The following FAT4 variants were observed in gnomAD, a reference collection of about 807,000 sequenced individuals.
FAT4 encodes FAT atypical cadherin 4.
In FAT4, 84 loss-of-function variants were observed where a neutral mutation model predicts 303.9. The ratio of observed to expected loss-of-function variants is 0.28; its 90% CI spans 0.23 to 0.33. The LOEUF (loss-of-function observed/expected upper bound fraction) is 0.33. Among genes scored for constraint, FAT4 ranks in the 10% least tolerant of loss-of-function variants. FAT4 has a pLI of 1.00. For missense variants in FAT4, 6,005 were observed against 6,146.8 expected, an observed-to-expected ratio of 0.98 and a Z score of 0.77; for synonymous variants, 2,307 against 2,298.8, an observed-to-expected ratio of 1.00 and a Z score of -0.10.
At chr4:125,371,692 G>A (rs1226013555) in intron 2 of FAT4, among the ~76,000 whole-genome samples, 1 of 150,958 alleles carries the variant, frequency 6.6e-6, no homozygotes, top group Admixed American at 6.6e-5. Context: ...GGGAGAGATT[G>A]AATATCCTCA....
In FAT4 at chr4:125,490,646, C is replaced by T. The variant is rs776510562; in HGVS notation, c.13830C>T (p.Ala4610=). 8.1e-6 allele frequency: 13 copies of T among 1,614,044 alleles called. No individual in the cohort carries two copies. The highest frequency in any genetic ancestry group is 1.3e-5 in the African/African-American group (1 of 74,916). Reference sequence around the variant, plus strand: ...ACAACTCAGAAACCATCCCCAGCGCCCCTTTGGCATCTCCAGAGCAGGAGA... The same window carrying T: ...ACAACTCAGAAACCATCCCCAGCGCTCCTTTGGCATCTCCAGAGCAGGAGA... ...IPHNSETIPS[A]PLASPEQEIE... Residue 4610 remains alanine (A), a synonymous_variant, in exon 18 of 18, where the codon GCC becomes GCT. Transcript: ENST00000394329.
chr4:125,326,595 A>G (rs958437489), intron 2 of FAT4, among the ~76,000 whole-genome samples: 7 of 152,180 alleles, frequency 4.6e-5, no homozygotes, highest in African/African-American at 1.7e-4. Context: ...AGACTTGAGT[A>G]ACTTCACAAT....
intron 12 of FAT4, among the ~76,000 whole-genome samples, chr4:125,473,544 A>G (rs1196822474): frequency 1.3e-5 from 2 of 152,064 alleles, no homozygotes; most frequent in Non-Finnish European, 2.9e-5. Flanking sequence ...TTAGAGATTG[A>G]TATATATAGA....
chr4:125,385,826 A>C (rs185733549), intron 2 of FAT4, among the ~76,000 whole-genome samples: 1 of 152,264 alleles, frequency 6.6e-6, no homozygotes. Flanking sequence ...TCAATTTTTA[A>C]AAAAAATTCA....
intron 8 of FAT4, among the ~76,000 whole-genome samples, chr4:125,440,610 TGAGAGAGAGAGAGA>T (rs1553925990): frequency 0.025 from 1,880 of 75,764 alleles, 16 homozygotes; most frequent in Middle Eastern, 0.033. Flanking sequence ...TGTGTGTGTG[TGAGAGAGAGAGAGA>T]GAGAGAGAGA....
chr4:125,460,961 A>G (rs1726462831), intron 10 of FAT4, among the ~76,000 whole-genome samples: 1 of 152,098 alleles, frequency 6.6e-6, no homozygotes, highest in Non-Finnish European at 1.5e-5. Context: ...TTTTCTTAAC[A>G]ATTTCTATTT....
In FAT4 at chr4:125,449,909, A is replaced by G. The variant is rs1725985565; in HGVS notation, c.8899A>G (p.Ser2967Gly). The change falls in exon 10 of 18, where the codon AGT becomes GGT. Residue 2967 changes from serine to glycine, a missense_variant. Transcript: ENST00000394329. ...AGATCGAGGTAAACCTTCCTTAATTAGTGAGACAACAGTTACCATCAATAT... is the reference window on the plus strand; with the variant it reads ...AGATCGAGGTAAACCTTCCTTAATTGGTGAGACAACAGTTACCATCAATAT... The part of the protein sequence containing the change: ...SSDRGKPSLI[S>G]ETTVTINIVD... 1.2e-6 allele frequency: 2 copies of G among 1,613,982 alleles called. No homozygotes were observed. The highest frequency in any genetic ancestry group is 1.7e-6 in the Non-Finnish European group (2 of 1,179,944).
At position 125,490,107 on chromosome 4, in the gene FAT4, G is replaced by T. The variant is rs1489565144; in HGVS notation, c.13291G>T (p.Asp4431Tyr). The T allele has an allele frequency of 6.2e-7, 1 of 1,614,024 alleles. No individual in the cohort carries two copies. ...WYAYRCVPPG[D>Y]CASHPCQNGG... ...TGCCTACAGGTGTGTCCCTCCTGGG[G>T]ACTGTGCCTCCCACCCGTGCCAGAA... Residue 4431 changes from aspartate (D) to tyrosine (Y), a missense_variant, in exon 18 of 18, where the codon GAC becomes TAC. Transcript: ENST00000394329.
At chr4:125,404,946 G>T (rs1301030812) in intron 3 of FAT4, among the ~76,000 whole-genome samples, 1 of 151,408 alleles carries the variant, frequency 6.6e-6, no homozygotes, top group African/African-American at 2.4e-5. Context: ...GTATATACAG[G>T]TTGAGTATTT....
intron 10 of FAT4, among the ~76,000 whole-genome samples, chr4:125,461,598 C>T (rs1158111658): frequency 6.6e-6 from 1 of 151,854 alleles, no homozygotes; most frequent in Admixed American, 6.6e-5. Flanking sequence ...ATACATGTTA[C>T]TTTTAACACA....
intron 10 of FAT4, among the ~76,000 whole-genome samples, chr4:125,459,817 G>A (rs552339118): frequency 7.2e-5 from 11 of 152,118 alleles, no homozygotes; most frequent in African/African-American, 2.4e-4. Context: ...TCAGATTATT[G>A]TACCAAGAGC....
At position 125,449,382 on chromosome 4, in the gene FAT4, A is replaced by T; in HGVS notation, c.8372A>T (p.Tyr2791Phe). ...AHVPENSPLG[Y>F]TVTRVTTSDE... ...GTTCCTGAAAATTCCCCCTTAGGAT[A>T]CACAGTTACCCGTGTCACAACTTCT... is the stretch of plus-strand genomic sequence containing the variant. Residue 2791 changes from tyrosine to phenylalanine, a missense_variant, in exon 10 of 18, where the codon TAC becomes TTC. Coordinates refer to ENST00000394329, the MANE Select transcript of FAT4 (RefSeq NM_001291303.3). 1 of 1,613,784 alleles carries T rather than the reference A, an allele frequency of 6.2e-7. No homozygotes were observed. The highest frequency in any genetic ancestry group is 8.5e-7 in the Non-Finnish European group (1 of 1,179,854).
chr4:125,452,318 C>A lies in FAT4; in HGVS notation c.11308C>A (p.Arg3770=), dbSNP rs761118468. 23 of 1,614,060 alleles carry A rather than the reference C, an allele frequency of 1.4e-5. No homozygotes were observed. Among genetic ancestry groups the A allele is most frequent in the Non-Finnish European group, 1.9e-5 (23 of 1,180,030 alleles). Reference sequence around the variant, plus strand: ...AACGTTTCTTTTGGCAGCTGTGAAGCGAAATCATAATCAGTATGTGAATCC... The same window carrying A: ...AACGTTTCTTTTGGCAGCTGTGAAGAGAAATCATAATCAGTATGTGAATCC... ...NRTFLLAAVK[R]NHNQYVNPSG... Residue 3770 remains arginine (R), a synonymous_variant, in exon 10 of 18, where the codon CGA becomes AGA. Coordinates refer to ENST00000394329, the MANE Select transcript of FAT4 (RefSeq NM_001291303.3).
rs1734270565 is a variant in FAT4 at position 125,398,683 on chromosome 4, A to G, written c.5176-101A>G. 2.7e-5 allele frequency: 32 copies of G among 1,174,740 alleles called. 1 individual carries two copies. The South Asian group carries it at 5.1e-4, about 19-fold the overall frequency. The allele number at this position is 1,174,740 out of a possible 1,614,324, so 72.8% of individuals were successfully genotyped here. On this transcript the variant is annotated intron_variant, in intron 2 of 17. Coordinates refer to ENST00000394329, the MANE Select transcript of FAT4 (RefSeq NM_001291303.3). ...ATGTTAGATGCAAAGGTTCCAATTCATTTTGGCAGTCTTGATTGCGTGGAT... is the reference window on the plus strand; with the variant it reads ...ATGTTAGATGCAAAGGTTCCAATTCGTTTTGGCAGTCTTGATTGCGTGGAT...
At position 125,489,847 on chromosome 4, in the gene FAT4, CTTTTTTT is replaced by C. The variant is rs60144993; in HGVS notation, c.13085-39_13085-33del. 6.9e-4 allele frequency: 309 copies of C among 445,236 alleles called. 1 individual carries two copies. The highest frequency in any genetic ancestry group is 1.6e-3 in the Middle Eastern group (2 of 1,244). The allele number at this position is 445,236 out of a possible 1,614,324, so 27.6% of individuals were successfully genotyped here. ...AGAACCCAGCAGTGTAGTATAAGCT[CTTTTTTT>C]TTTTTTTTTTTTTTGTAAAAAGCCT... On this transcript the variant is annotated intron_variant, in intron 17 of 17. Coordinates refer to ENST00000394329, the MANE Select transcript of FAT4 (RefSeq NM_001291303.3).
rs78850677 is a variant in FAT4 at position 125,387,235 on chromosome 4, G to T, written c.5176-11549G>T. ...AGAATAGCATAGCTATGAGTCAAAGGTTTGTGTCTTTTGCATCAAAGAATA... is the reference window on the plus strand; with the variant it reads ...AGAATAGCATAGCTATGAGTCAAAGTTTTGTGTCTTTTGCATCAAAGAATA... On this transcript the variant is annotated intron_variant, in intron 2 of 17. Coordinates refer to ENST00000394329, the MANE Select transcript of FAT4 (RefSeq NM_001291303.3). Among the ~76,000 whole-genome samples, 26 of 152,260 alleles carry T rather than the reference G, an allele frequency of 1.7e-4. No individual in the cohort carries two copies. The East Asian group carries it at 5.0e-3, about 29-fold the overall frequency.
chr4:125,451,197 C>A lies in FAT4; in HGVS notation c.10187C>A (p.Thr3396Asn). ...ATAGATGAGGTCACTGTAAATGTCA[C>A]CGTGCTTGATGCAAATGACCCACCC... Reference protein sequence around the residue: ...ADIDEVTVNVTVLDANDPPIF... With the variant: ...ADIDEVTVNVNVLDANDPPIF... Residue 3396 changes from threonine (T) to asparagine (N), a missense_variant, in exon 10 of 18, where the codon ACC becomes AAC. Coordinates refer to ENST00000394329, the MANE Select transcript of FAT4 (RefSeq NM_001291303.3). 1.2e-6 allele frequency: 2 copies of A among 1,614,080 alleles called. No homozygotes were observed. The highest frequency in any genetic ancestry group is 1.7e-6 in the Non-Finnish European group (2 of 1,180,016).
intron 7 of FAT4, among the ~76,000 whole-genome samples, chr4:125,431,413 A>G (rs1725280318): frequency 6.6e-6 from 1 of 152,196 alleles, no homozygotes; most frequent in African/African-American, 2.4e-5. Flanking sequence ...TTATTATTCA[A>G]AATATTTTCC....
At chr4:125,349,961 G>T (rs1368404816) in intron 2 of FAT4, among the ~76,000 whole-genome samples, 1 of 151,594 alleles carries the variant, frequency 6.6e-6, no homozygotes, top group Non-Finnish European at 1.5e-5. Flanking sequence ...TATTTATTTT[G>T]TAACTGTCGT....
Sources: allele counts gnomAD v4.1 joint callset (sites outside exome capture counted in the v4.1 genomes callset), GRCh38; gene constraint gnomAD v4.1.1; transcripts MANE v1.5; gene names NCBI Gene and HGNC (gene_info 2026-07-23, HGNC 2026-07-21).